Variants in CSGALNACT1 observed in about 807,000 individuals in gnomAD.
The protein encoded by CSGALNACT1 is chondroitin sulfate N-acetylgalactosaminyltransferase 1.
Under a neutral mutation model 51.0 loss-of-function variants are expected in CSGALNACT1, and 52 were observed. The observed-to-expected ratio is 1.02, with a 90% CI of 0.82 to 1.29. The LOEUF is 1.29. Ranked by LOEUF, CSGALNACT1 falls within the 50% of genes most tolerant of loss-of-function variation. The probability of loss-of-function intolerance (pLI) is 0.00; values close to 1 mark genes in which losing one functional copy is unlikely to be tolerated. For missense variants in CSGALNACT1, 935 were observed against 679.2 expected, an observed-to-expected ratio of 1.38 and a Z score of -4.19; for synonymous variants, 341 against 254.4, an observed-to-expected ratio of 1.34 and a Z score of -3.24.
At chr8:19,573,809 C>A (rs1337464249) in intron 3 of CSGALNACT1, among the ~76,000 whole-genome samples, 1 of 152,122 alleles carries the variant, frequency 6.6e-6, no homozygotes, top group Non-Finnish European at 1.5e-5. Context: ...TCTCTCTTTA[C>A]AACTGCTAGC....
At chr8:19,628,464 A>G (rs1211435148) in intron 1 of CSGALNACT1, among the ~76,000 whole-genome samples, 3 of 152,192 alleles carry the variant, frequency 2.0e-5, no homozygotes, top group South Asian at 2.1e-4. Flanking sequence ...GGGGATTACA[A>G]TTTGAGATGA....
chr8:19,492,687 A>G (rs1460588995), intron 4 of CSGALNACT1, among the ~76,000 whole-genome samples: 2 of 152,176 alleles, frequency 1.3e-5, no homozygotes, highest in East Asian at 3.9e-4. Context: ...TTGCTGGTCC[A>G]CGCCACTGGC....
intron 5 of CSGALNACT1, among the ~76,000 whole-genome samples, chr8:19,443,553 C>T (rs1224649975): frequency 6.6e-6 from 1 of 152,144 alleles, no homozygotes; most frequent in African/African-American, 2.4e-5. Context: ...TACATGGTGG[C>T]AGGCAAGAGA....
chr8:19,602,964 T>G (rs1231300826), upstream of CSGALNACT1, among the ~76,000 whole-genome samples: 1 of 151,302 alleles, frequency 6.6e-6, no homozygotes, highest in African/African-American at 2.4e-5. Context: ...TATATATGTA[T>G]TTGCTATTTT....
At chr8:19,704,271 C>T (rs778871304) in intron 1 of CSGALNACT1, among the ~76,000 whole-genome samples, 56 of 152,172 alleles carry the variant, frequency 3.7e-4, no homozygotes, top group Non-Finnish European at 7.1e-4. Context: ...ACAGACCCTT[C>T]CAGGCCGATA....
upstream of CSGALNACT1, among the ~76,000 whole-genome samples, chr8:19,687,263 T>G (rs748094260): frequency 6.6e-6 from 1 of 152,072 alleles, no homozygotes; most frequent in African/African-American, 2.4e-5. Flanking sequence ...GCAAGACATT[T>G]AACCATCAAT....
chr8:19,491,122 C>T (rs1175309480), intron 4 of CSGALNACT1, among the ~76,000 whole-genome samples: 2 of 151,368 alleles, frequency 1.3e-5, no homozygotes, highest in African/African-American at 2.4e-5. Flanking sequence ...ACAGTGTTTT[C>T]ATCCCCTCGA....
At chr8:19,587,029 T>G (rs1044577953) in intron 3 of CSGALNACT1, among the ~76,000 whole-genome samples, 3 of 152,194 alleles carry the variant, frequency 2.0e-5, no homozygotes, top group African/African-American at 7.2e-5. Flanking sequence ...GGAAGGTCAG[T>G]ATGGTGCAAA....
At chr8:19,745,560 G>T (rs1157197049) in intron 1 of CSGALNACT1, among the ~76,000 whole-genome samples, 1 of 152,188 alleles carries the variant, frequency 6.6e-6, no homozygotes, top group East Asian at 1.9e-4. Context: ...TCACTAGCTG[G>T]ATGTGCACAG....
intron 3 of CSGALNACT1, among the ~76,000 whole-genome samples, chr8:19,576,857 A>T (rs1239210467): frequency 1.3e-5 from 2 of 151,980 alleles, no homozygotes; most frequent in Admixed American, 1.3e-4. Context: ...TTCCTGTGCA[A>T]CTGGTTATAC....
At chr8:19,469,753 ACT>A (rs1306587553) in intron 4 of CSGALNACT1, among the ~76,000 whole-genome samples, 2 of 151,812 alleles carry the variant, frequency 1.3e-5, no homozygotes, top group Admixed American at 6.6e-5. Context: ...TCCCACAGAC[ACT>A]CTCTGTTACC....
intron 7 of CSGALNACT1, among the ~76,000 whole-genome samples, chr8:19,419,093 G>A (rs562980606): frequency 6.2e-4 from 95 of 152,132 alleles, no homozygotes; most frequent in African/African-American, 2.2e-3. Flanking sequence ...TGATCCACCC[G>A]CCTCGGCCTC....
intron 6 of CSGALNACT1, among the ~76,000 whole-genome samples, chr8:19,438,580 C>A (rs2153746466): frequency 6.6e-6 from 1 of 152,296 alleles, no homozygotes; most frequent in Non-Finnish European, 1.5e-5. Context: ...GGGATGGGCA[C>A]AATTTGTCTG....
intron 3 of CSGALNACT1, among the ~76,000 whole-genome samples, chr8:19,557,141 A>G (rs1004394699): frequency 3.3e-5 from 5 of 152,124 alleles, no homozygotes; most frequent in African/African-American, 7.2e-5. Flanking sequence ...CCCAGATCCA[A>G]TTCTGTAAAT....
At chr8:19,659,783 C>G (rs908149727) in intron 1 of CSGALNACT1, among the ~76,000 whole-genome samples, 1 of 152,230 alleles carries the variant, frequency 6.6e-6, no homozygotes, top group Admixed American at 6.5e-5. Flanking sequence ...GCTCAGAGCA[C>G]TGTCTGCCCA....
At chr8:19,720,897 G>A (rs1338575912) in intron 1 of CSGALNACT1, among the ~76,000 whole-genome samples, 1 of 152,204 alleles carries the variant, frequency 6.6e-6, no homozygotes, top group Non-Finnish European at 1.5e-5. Flanking sequence ...AAGGGGGCCT[G>A]CTGAAGTGGT....
intron 6 of CSGALNACT1, among the ~76,000 whole-genome samples, chr8:19,429,482 T>TC (rs2059324201): frequency 6.6e-6 from 1 of 152,346 alleles, no homozygotes; most frequent in Admixed American, 6.5e-5. Context: ...CTGGCCATTA[T>TC]TGACCTTTTA....
chr8:19,672,988 A>G (rs1321527874), intron 1 of CSGALNACT1, among the ~76,000 whole-genome samples: 1 of 152,234 alleles, frequency 6.6e-6, no homozygotes, highest in Non-Finnish European at 1.5e-5. Context: ...AGAAGTCTCA[A>G]CATCCTCTTT....
At chr8:19,601,108 A>G (rs1418705751) in intron 2 of CSGALNACT1, among the ~76,000 whole-genome samples, 1 of 152,200 alleles carries the variant, frequency 6.6e-6, no homozygotes, top group Non-Finnish European at 1.5e-5. Context: ...GTCTTATCAG[A>G]TGTAATAAAA....
Sources: allele counts gnomAD v4.1 joint callset (sites outside exome capture counted in the v4.1 genomes callset), GRCh38; gene constraint gnomAD v4.1.1; transcripts MANE v1.5; gene names NCBI Gene and HGNC (gene_info 2026-07-23, HGNC 2026-07-21).